The following OR9Q1 variants were observed in gnomAD, a reference collection of about 807,000 sequenced individuals.
OR9Q1 encodes the protein olfactory receptor 9Q1.
For synonymous variants in OR9Q1, 153 were observed against 148.6 expected (o/e 1.03, Z -0.22); for missense variants, 374 against 378.8 (o/e 0.99, Z 0.11).
At chr11:58,046,882 A>G (rs1321710874) in intron 1 of OR9Q1, among the ~76,000 whole-genome samples, 2 of 152,114 alleles carry the variant, frequency 1.3e-5, no homozygotes, top group Admixed American at 6.5e-5. Context: ...AGAAAAAAAA[A>G]GAATTTCTCC....
intron 2 of OR9Q1, among the ~76,000 whole-genome samples, chr11:58,082,805 AT>A (rs1350637814): frequency 6.7e-6 from 1 of 149,346 alleles, no homozygotes; most frequent in African/African-American, 2.5e-5. Context: ...AAATTTTATT[AT>A]TATTATACTT....
At chr11:58,045,788 C>T (rs1853210483) in intron 1 of OR9Q1, among the ~76,000 whole-genome samples, 1 of 152,216 alleles carries the variant, frequency 6.6e-6, no homozygotes, top group Admixed American at 6.5e-5. Context: ...AGACTACAAA[C>T]ACTACCTAAG....
At chr11:58,071,444 C>T (rs889897606) in intron 2 of OR9Q1, among the ~76,000 whole-genome samples, 1 of 151,480 alleles carries the variant, frequency 6.6e-6, no homozygotes, top group African/African-American at 2.4e-5. Context: ...GCAGAGATGA[C>T]GCCACTGCAC....
chr11:58,121,965 T>C (rs917038649), intron 2 of OR9Q1, among the ~76,000 whole-genome samples: 2 of 152,170 alleles, frequency 1.3e-5, no homozygotes, highest in African/African-American at 4.8e-5. Flanking sequence ...AGTCAAATAA[T>C]TAGCTATTTG....
chr11:58,179,012 A>AAGAAAGAGAGAGAGAG (rs1554973096), intron 2 of OR9Q1, among the ~76,000 whole-genome samples: 3 of 132,454 alleles, frequency 2.3e-5, no homozygotes. Flanking sequence ...GAAAGAAAGA[A>AAGAAAGAGAGAGAGAG]AGAGAGAGAG....
intron 2 of OR9Q1, among the ~76,000 whole-genome samples, chr11:58,148,150 C>T (rs551344623): frequency 6.5e-4 from 99 of 152,230 alleles, no homozygotes; most frequent in Middle Eastern, 6.8e-3. Context: ...GACACCAAAA[C>T]TTTAATTATG....
intron 1 of OR9Q1, among the ~76,000 whole-genome samples, chr11:58,025,939 C>T (rs1292178161): frequency 4.6e-5 from 7 of 152,140 alleles, no homozygotes; most frequent in African/African-American, 1.7e-4. Context: ...TAAGGATTGC[C>T]TTCTTTCCAC....
intron 2 of OR9Q1, among the ~76,000 whole-genome samples, chr11:58,131,269 C>T (rs774962863): frequency 3.3e-5 from 5 of 152,190 alleles, no homozygotes; most frequent in Admixed American, 2.0e-4. Context: ...TGGAAACCAC[C>T]GTAAAGGACT....
intron 2 of OR9Q1, among the ~76,000 whole-genome samples, chr11:58,154,379 ATTT>A (rs3085835): frequency 0.052 from 7,276 of 140,930 alleles, 601 homozygotes; most frequent in African/African-American, 0.18. Flanking sequence ...AATGCAATGG[ATTT>A]TTTTTTTTTT....
chr11:58,140,880 T>C (rs1437410240), intron 2 of OR9Q1, among the ~76,000 whole-genome samples: 2 of 152,210 alleles, frequency 1.3e-5, no homozygotes, highest in African/African-American at 4.8e-5. Flanking sequence ...CCTTGGGCAG[T>C]ATGGCCATTT....
chr11:58,107,892 T>C (rs1221753962), intron 2 of OR9Q1, among the ~76,000 whole-genome samples: 1 of 152,146 alleles, frequency 6.6e-6, no homozygotes, highest in Non-Finnish European at 1.5e-5. Flanking sequence ...ACTTCTATAA[T>C]CATAGAGGCT....
intron 2 of OR9Q1, among the ~76,000 whole-genome samples, chr11:58,166,053 A>G (rs913332307): frequency 1.2e-4 from 18 of 152,230 alleles, no homozygotes; most frequent in African/African-American, 3.4e-4. Context: ...GACTAACCAT[A>G]TAACGATGAT....
chr11:58,153,001 C>T (rs770949184), intron 2 of OR9Q1, among the ~76,000 whole-genome samples: 8 of 152,232 alleles, frequency 5.3e-5, no homozygotes, highest in Non-Finnish European at 1.0e-4. Flanking sequence ...TGGTGCCTGG[C>T]ACAGAGCCTG....
intron 2 of OR9Q1, among the ~76,000 whole-genome samples, chr11:58,137,313 C>T (rs1362503753): frequency 6.6e-6 from 1 of 152,156 alleles, no homozygotes; most frequent in Non-Finnish European, 1.5e-5. Flanking sequence ...TATCCTGCAA[C>T]TTAAATCTGT....
chr11:58,044,130 T>G (rs1396540999), intron 1 of OR9Q1: 1 of 152,226 alleles, frequency 6.6e-6, no homozygotes, highest in Non-Finnish European at 1.5e-5. Flanking sequence ...AAAGAATGAA[T>G]TTAATAGCCT....
intron 2 of OR9Q1, among the ~76,000 whole-genome samples, chr11:58,121,515 G>A (rs561902487): frequency 4.6e-5 from 7 of 152,246 alleles, no homozygotes; most frequent in East Asian, 3.9e-4. Flanking sequence ...GAAACCATCC[G>A]TTGACCCACA....
intron 2 of OR9Q1, among the ~76,000 whole-genome samples, chr11:58,071,528 C>T (rs1232032861): frequency 6.6e-6 from 1 of 152,002 alleles, no homozygotes; most frequent in Non-Finnish European, 1.5e-5. Flanking sequence ...ACTTGTGTTT[C>T]TCCTAGGGGA....
At chr11:58,079,076 G>A (rs1853565429) in intron 2 of OR9Q1, among the ~76,000 whole-genome samples, 1 of 152,160 alleles carries the variant, frequency 6.6e-6, no homozygotes, top group Admixed American at 6.5e-5. Context: ...TCAAGTAAAG[G>A]GTGTTTATTC....
chr11:58,034,326 A>T (rs1308822606), intron 1 of OR9Q1, among the ~76,000 whole-genome samples: 1 of 151,736 alleles, frequency 6.6e-6, no homozygotes, highest in Non-Finnish European at 1.5e-5. Flanking sequence ...TGACCTCGTG[A>T]TCTGCCCACC....
Sources: allele counts gnomAD v4.1 joint callset (sites outside exome capture counted in the v4.1 genomes callset), GRCh38; gene constraint gnomAD v4.1.1; transcripts MANE v1.5; gene names NCBI Gene and HGNC (gene_info 2026-07-23, HGNC 2026-07-21).